The following POU2AF3 variants were observed in gnomAD, a reference collection of about 807,000 sequenced individuals.
POU2AF3 encodes the protein POU class 2 homeobox associating factor 3.
chr11:111,304,823 C>A, the POU2AF3 span: 1 of 595,922 alleles, frequency 1.7e-6, no homozygotes, highest in Non-Finnish European at 2.5e-6. Context: ...AAGAATCTGG[C>A]TTACCTTATA....
chr11:111,299,556 G>T, the POU2AF3 span: 1 of 1,205,342 alleles, frequency 8.3e-7, no homozygotes, highest in Admixed American at 4.4e-5. Context: ...AGCCGGGGCA[G>T]TCCGACCGGG....
chr11:111,299,594 C>G, the POU2AF3 span: 1 of 1,221,792 alleles, frequency 8.2e-7, no homozygotes, highest in Non-Finnish European at 1.0e-6. Flanking sequence ...CGGCCCCTAC[C>G]GAAGGGCGGC....
At chr11:111,308,376 C>T in the POU2AF3 span, 1 of 1,551,636 alleles carries the variant, frequency 6.4e-7, no homozygotes, top group South Asian at 1.2e-5. Context: ...TTTGCCCCCT[C>T]AGCAGCCGCC....
chr11:111,305,048 C>A, the POU2AF3 span: 1 of 1,029,836 alleles, frequency 9.7e-7, no homozygotes, highest in Non-Finnish European at 1.2e-6. Context: ...AAAAGTCTTT[C>A]AGTCTTGATT....
At chr11:111,306,055 C>T in the POU2AF3 span, among the ~76,000 whole-genome samples, 3 of 152,264 alleles carry the variant, frequency 2.0e-5, no homozygotes, top group East Asian at 1.9e-4. Context: ...CGTGAACTGC[C>T]GGTAGGGGCT....
the POU2AF3 span, chr11:111,308,097 T>C: frequency 6.6e-7 from 1 of 1,519,704 alleles, no homozygotes; most frequent in Non-Finnish European, 8.8e-7. Context: ...AATTCCTCCA[T>C]TCTCTCTGGC....
the POU2AF3 span, chr11:111,299,948 G>C: frequency 2.5e-6 from 1 of 404,654 alleles, no homozygotes. Context: ...CTCACCGCTT[G>C]CTCCCGGGCT....
chr11:111,298,587 G>A, the POU2AF3 span: 3 of 1,246,510 alleles, frequency 2.4e-6, no homozygotes, highest in East Asian at 6.3e-5. Flanking sequence ...CCACGATGTC[G>A]GGTAACTCGG....
the POU2AF3 span, chr11:111,299,042 G>T: frequency 1.0e-6 from 1 of 990,350 alleles, no homozygotes; most frequent in Non-Finnish European, 1.2e-6. Context: ...ATCGGGGAAC[G>T]GGGTGGTGGG....
the POU2AF3 span, chr11:111,308,341 C>G: frequency 3.2e-6 from 5 of 1,551,748 alleles, no homozygotes; most frequent in Non-Finnish European, 4.4e-6. Context: ...CAGAGTACTT[C>G]TACCCGAGCA....
At chr11:111,302,034 A>C in the POU2AF3 span, among the ~76,000 whole-genome samples, 1 of 152,194 alleles carries the variant, frequency 6.6e-6, no homozygotes, top group Non-Finnish European at 1.5e-5. Flanking sequence ...TTTCTAGAGG[A>C]CTTCACAGTG....
chr11:111,298,826 G>GCCGGCC, the POU2AF3 span: 28 of 790,952 alleles, frequency 3.5e-5, no homozygotes, highest in South Asian at 6.7e-5. Flanking sequence ...CGTACCCCAG[G>GCCGGCC]CCCCCGCCCG....
chr11:111,299,926 G>C, the POU2AF3 span: 4 of 421,448 alleles, frequency 9.5e-6, no homozygotes, highest in African/African-American at 8.1e-5. Context: ...CCCAGGACGG[G>C]GCTGGCCAAA....
chr11:111,299,180 C>T, the POU2AF3 span: 1 of 961,962 alleles, frequency 1.0e-6, no homozygotes, highest in Non-Finnish European at 1.2e-6. Context: ...TCCTGGAACC[C>T]GGCTTGAGGG....
At chr11:111,300,685 A>C in the POU2AF3 span, 1 of 923,208 alleles carries the variant, frequency 1.1e-6, no homozygotes, top group Non-Finnish European at 1.4e-6. Context: ...CTGTGTCTGC[A>C]AGGTGTGGAG....
chr11:111,304,723 T>C, the POU2AF3 span: 1 of 384,344 alleles, frequency 2.6e-6, no homozygotes, highest in Non-Finnish European at 4.6e-6. Flanking sequence ...TTGTTGACAC[T>C]TTCCCTTTCA....
the POU2AF3 span, among the ~76,000 whole-genome samples, chr11:111,303,162 A>C: frequency 6.6e-6 from 1 of 152,234 alleles, no homozygotes; most frequent in African/African-American, 2.4e-5. Context: ...GCAGTGCCGG[A>C]AGAAACTGTG....
chr11:111,299,703 G>A, the POU2AF3 span: 1 of 1,231,952 alleles, frequency 8.1e-7, no homozygotes, highest in African/African-American at 1.5e-5. Flanking sequence ...TCGGAGAAAC[G>A]CCTGCCCCAG....
chr11:111,298,827 C>CGGGGGGGGGGGG, the POU2AF3 span: 5 of 631,564 alleles, frequency 7.9e-6, no homozygotes, highest in Non-Finnish European at 1.1e-5. Flanking sequence ...GTACCCCAGG[C>CGGGGGGGGGGGG]CCCCGCCCGC....
Sources: allele counts gnomAD v4.1 joint callset (sites outside exome capture counted in the v4.1 genomes callset), GRCh38; gene constraint gnomAD v4.1.1; transcripts MANE v1.5; gene names NCBI Gene and HGNC (gene_info 2026-07-23, HGNC 2026-07-21).